KCNK2: variants seen among roughly 807,000 people sequenced by gnomAD.
The protein encoded by KCNK2 is potassium channel subfamily K member 2.
In KCNK2, 21 loss-of-function variants were observed where a neutral mutation model predicts 40.5. The observed-to-expected ratio is 0.52, with a 90% CI of 0.37 to 0.75. The LOEUF (loss-of-function observed/expected upper bound fraction) is 0.75. Among genes scored for constraint, KCNK2 ranks in the 30% least tolerant of loss-of-function variants. The pLI, the probability that KCNK2 is intolerant of heterozygous loss-of-function variation, is 0.00. For synonymous variants in KCNK2, 191 were observed against 202.2 expected (o/e 0.94, Z 0.47); for missense variants, 399 against 531.6 (o/e 0.75, Z 2.45).
intron 1 of KCNK2, among the ~76,000 whole-genome samples, chr1:215,054,910 A>T (rs1385461994): frequency 6.6e-6 from 1 of 152,186 alleles, no homozygotes; most frequent in Non-Finnish European, 1.5e-5. Context: ...ATGAATGTTC[A>T]TGTAACCATA....
chr1:215,037,881 T>C (rs1055455067), intron 1 of KCNK2, among the ~76,000 whole-genome samples: 11 of 151,978 alleles, frequency 7.2e-5, no homozygotes, highest in African/African-American at 2.4e-4. Flanking sequence ...TAATTTCTTT[T>C]ATTCATAATT....
upstream of KCNK2, chr1:215,082,083 A>G (rs368181327): frequency 2.6e-5 from 4 of 151,988 alleles, no homozygotes; most frequent in African/African-American, 9.7e-5. Context: ...CTCTGAGAGA[A>G]CCTAACCGGG....
chr1:215,080,786 T>C (rs1363711523), upstream of KCNK2, among the ~76,000 whole-genome samples: 6 of 152,164 alleles, frequency 3.9e-5, no homozygotes, highest in African/African-American at 1.4e-4. Flanking sequence ...GCATGGAGAT[T>C]TGCAGGGTAA....
upstream of KCNK2, chr1:215,081,830 C>G (rs1659167315): frequency 6.6e-6 from 1 of 152,196 alleles, no homozygotes; most frequent in African/African-American, 2.4e-5. Flanking sequence ...ACGACAGCAA[C>G]GTCTGATCTC....
chr1:215,234,014 A>G (rs1374892775), intron 6 of KCNK2, among the ~76,000 whole-genome samples: 1 of 152,194 alleles, frequency 6.6e-6, no homozygotes, highest in Non-Finnish European at 1.5e-5. Flanking sequence ...TGCAGTTTGT[A>G]AAGTTCATTA....
At chr1:215,109,879 ATC>A (rs923526253) in intron 2 of KCNK2, among the ~76,000 whole-genome samples, 70 of 151,992 alleles carry the variant, frequency 4.6e-4, no homozygotes, top group African/African-American at 1.6e-3. Context: ...TCTTGCCAAC[ATC>A]TGTTATTTTT....
chr1:215,230,531 ATG>A (rs71772973), intron 6 of KCNK2, among the ~76,000 whole-genome samples: 22,275 of 81,938 alleles, frequency 0.27, 3,617 homozygotes, highest in Non-Finnish European at 0.36. Context: ...ATATATATAT[ATG>A]TATATATATA....
intron 6 of KCNK2, among the ~76,000 whole-genome samples, chr1:215,222,468 A>G (rs2102701561): frequency 6.6e-6 from 1 of 152,308 alleles, no homozygotes; most frequent in African/African-American, 2.4e-5. Flanking sequence ...ACATTTTTAG[A>G]AGAAAGATAT....
Position 215,112,365 on chromosome 1 carries a change from A to G in KCNK2, c.358-12268A>G, listed in dbSNP as rs74510892. 9.7e-3 allele frequency among the ~76,000 whole-genome samples: 1,468 copies of G among 152,108 alleles called. 23 individuals are homozygous for G. The highest frequency in any genetic ancestry group is 0.061 in the South Asian group (295 of 4,814). ...AAGTTAAAAAAATTAAATAGTTAAA[A>G]AAAAGATTATGGAATAAAGATATAA... On this transcript the variant is annotated intron_variant, in intron 2 of 6. Coordinates refer to ENST00000444842, the MANE Select transcript of KCNK2 (RefSeq NM_001017425.3).
At chr1:215,060,956 T>C (rs1385856303) in intron 1 of KCNK2, among the ~76,000 whole-genome samples, 2 of 152,182 alleles carry the variant, frequency 1.3e-5, no homozygotes, top group Non-Finnish European at 2.9e-5. Context: ...AAGACATGAA[T>C]GTTAGGAAAA....
intron 1 of KCNK2, among the ~76,000 whole-genome samples, chr1:215,050,474 CAAAT>C (rs1657947531): frequency 6.6e-6 from 1 of 151,982 alleles, no homozygotes; most frequent in Admixed American, 6.6e-5. Flanking sequence ...ACAATAAAAA[CAAAT>C]AGATAAAGTT....
chr1:215,138,525 C>T (rs1171258679), intron 3 of KCNK2, among the ~76,000 whole-genome samples: 6 of 151,978 alleles, frequency 3.9e-5, no homozygotes, highest in African/African-American at 1.4e-4. Flanking sequence ...CTTCGGGAGG[C>T]CAAGAATTGC....
chr1:215,070,750 C>G (rs1032052489), intron 1 of KCNK2, among the ~76,000 whole-genome samples: 8 of 152,168 alleles, frequency 5.3e-5, no homozygotes, highest in Admixed American at 2.0e-4. Context: ...CAAACCATAT[C>G]AGATGCCTTC....
intron 6 of KCNK2, among the ~76,000 whole-genome samples, chr1:215,198,991 C>T (rs934883271): frequency 2.0e-5 from 3 of 152,102 alleles, no homozygotes; most frequent in Admixed American, 1.3e-4. Context: ...CATATATGCC[C>T]TTATTCCATT....
At chr1:215,067,410 G>T (rs1432060212) in intron 1 of KCNK2, among the ~76,000 whole-genome samples, 2 of 152,104 alleles carry the variant, frequency 1.3e-5, no homozygotes, top group Non-Finnish European at 2.9e-5. Flanking sequence ...GGATTATGGG[G>T]ACTCTACCTG....
chr1:215,012,870 T>C (rs1226144702), intron 1 of KCNK2, among the ~76,000 whole-genome samples: 9 of 152,094 alleles, frequency 5.9e-5, no homozygotes, highest in Middle Eastern at 3.2e-3. Context: ...AAAAAGATTT[T>C]AGTTTTGATA....
At chr1:215,187,186 T>G (rs1317867946) in intron 5 of KCNK2, among the ~76,000 whole-genome samples, 7 of 152,142 alleles carry the variant, frequency 4.6e-5, no homozygotes, top group Admixed American at 2.0e-4. Context: ...CCCATGCTGG[T>G]CTTGAACTCC....
chr1:215,162,452 T>C (rs946995428), intron 3 of KCNK2, among the ~76,000 whole-genome samples: 1 of 152,232 alleles, frequency 6.6e-6, no homozygotes, highest in Non-Finnish European at 1.5e-5. Flanking sequence ...ATTTTGACTT[T>C]TGTTGCCATT....
intron 1 of KCNK2, among the ~76,000 whole-genome samples, chr1:215,010,010 A>C (rs986038366): frequency 6.6e-6 from 1 of 152,186 alleles, no homozygotes; most frequent in Non-Finnish European, 1.5e-5. Flanking sequence ...TCTCAAATTA[A>C]CAGTGACAAC....
Sources: gnomAD v4.1 joint callset for allele counts (sites outside exome capture counted in the v4.1 genomes callset) on GRCh38, gnomAD v4.1.1 for gene constraint, MANE v1.5 for transcripts, NCBI Gene and HGNC (gene_info 2026-07-23, HGNC 2026-07-21) for gene names.